Variants in BACH2 observed in about 807,000 individuals in gnomAD.
BACH2 encodes the protein BACH transcriptional regulator 2.
BACH2 carries 5 observed loss-of-function variants against 61.8 expected under a neutral mutation model. The observed-to-expected ratio is 0.08, with a 90% CI of 0.04 to 0.17. The LOEUF (loss-of-function observed/expected upper bound fraction) is 0.17, where lower values mean the gene tolerates loss of function less well. Ranked by LOEUF, BACH2 falls within the 10% of genes least tolerant of loss-of-function variation. The pLI, the probability that BACH2 is intolerant of heterozygous loss-of-function variation, is 1.00. For missense variants in BACH2, 824 were observed against 1,091.1 expected (o/e 0.76, Z 3.45); for synonymous variants, 446 against 440.1 (o/e 1.01, Z -0.17).
intron 6 of BACH2, among the ~76,000 whole-genome samples, chr6:89,990,889 C>T (rs1776509955): frequency 6.6e-6 from 1 of 152,222 alleles, no homozygotes; most frequent in African/African-American, 2.4e-5. Flanking sequence ...CAACAGTGCA[C>T]ACAGTAGATG....
intron 2 of BACH2, among the ~76,000 whole-genome samples, chr6:90,270,980 A>G (rs147865725): frequency 5.7e-4 from 87 of 152,260 alleles, no homozygotes; most frequent in African/African-American, 1.8e-3. Context: ...GTGAGGAAAG[A>G]ATACCCTATT....
intron 1 of BACH2, among the ~76,000 whole-genome samples, chr6:90,295,539 G>C (rs1329328002): frequency 1.3e-5 from 2 of 152,164 alleles, no homozygotes; most frequent in African/African-American, 4.8e-5. Context: ...CCCGCCGGGT[G>C]AGCGAAGCAC....
rs796388094 is a variant in BACH2, at chr6:89,931,849, G to A, written c.*559C>T. 8 of 152,154 alleles carry A rather than the reference G, an allele frequency of 5.3e-5. No individual in the cohort carries two copies. Among genetic ancestry groups the A allele is most frequent in the African/African-American group, 1.9e-4 (8 of 41,384 alleles). 9.4% of individuals were successfully genotyped at this position (152,154 alleles called of 1,614,324 possible). On this transcript the variant is annotated 3_prime_UTR_variant, in exon 9 of 9. Coordinates refer to ENST00000257749, the MANE Select transcript of BACH2 (RefSeq NM_021813.4). ...TTCTAGCATCAGAGACAAAAGAAGA[G>A]GAATGTTGGAACCTGTTTCTAAATG...
chr6:90,264,753 T>C (rs1771270765), intron 2 of BACH2, among the ~76,000 whole-genome samples: 1 of 152,168 alleles, frequency 6.6e-6, no homozygotes, highest in Admixed American at 6.5e-5. Flanking sequence ...CTTTGGGGTT[T>C]CCTCGTCTTT....
intron 7 of BACH2, among the ~76,000 whole-genome samples, chr6:89,944,229 T>C (rs1773601219): frequency 6.6e-6 from 1 of 152,234 alleles, no homozygotes; most frequent in South Asian, 2.1e-4. Context: ...CGATAACGCC[T>C]GCCCTACTTA....
At chr6:90,257,429 G>C (rs1001101806) in intron 2 of BACH2, among the ~76,000 whole-genome samples, 5 of 152,182 alleles carry the variant, frequency 3.3e-5, no homozygotes, top group Non-Finnish European at 7.4e-5. Flanking sequence ...CAGTTGTGAG[G>C]AGGTAAATCA....
intron 3 of BACH2, among the ~76,000 whole-genome samples, chr6:90,226,137 T>C (rs1345621544): frequency 6.6e-6 from 1 of 152,148 alleles, no homozygotes; most frequent in South Asian, 2.1e-4. Flanking sequence ...AAACCAGGCA[T>C]CTGGAGGTGA....
rs1193465135 is a variant in BACH2, at chr6:89,928,122, A to AAAAC, written c.*4282_*4285dup. The stretch of plus-strand genomic sequence containing the variant: ...ATACAACGAACAGCTTTATTCTTAG[A>AAAAC]AAACAAAAACAAAAACAAAAAACAC... On this transcript the variant is annotated 3_prime_UTR_variant, in exon 9 of 9. Coordinates refer to ENST00000257749, the MANE Select transcript of BACH2 (RefSeq NM_021813.4). 1 of 125,326 alleles carries AAAAC rather than the reference A, an allele frequency of 8.0e-6. No homozygotes were observed. Among genetic ancestry groups the AAAAC allele is most frequent in the Non-Finnish European group, 1.9e-5 (1 of 53,746 alleles). 7.8% of individuals were successfully genotyped at this position (125,326 alleles called of 1,614,324 possible).
chr6:90,051,157 T>A (rs917286320), intron 5 of BACH2, among the ~76,000 whole-genome samples: 5 of 152,196 alleles, frequency 3.3e-5, no homozygotes, highest in African/African-American at 1.2e-4. Flanking sequence ...TTTATTTAGG[T>A]CTTGCATAAG....
Position 90,191,401 on chromosome 6 carries a change from T to C in BACH2, c.-162+15168A>G, listed in dbSNP as rs1582468110. On this transcript the variant is annotated intron_variant, in intron 4 of 8. Coordinates refer to ENST00000257749, the MANE Select transcript of BACH2 (RefSeq NM_021813.4). The stretch of plus-strand genomic sequence containing the variant: ...TTAGATGGAACAAATTTTCAACTAC[T>C]GCATTCATCCGCACATTTGCAAATG... Among the ~76,000 whole-genome samples, 4 of 152,372 alleles carry C rather than the reference T, an allele frequency of 2.6e-5. No homozygotes were observed. In the South Asian group the frequency reaches 8.3e-4, roughly 32 times the overall value.
chr6:90,074,315 C>A (rs781542056), intron 5 of BACH2, among the ~76,000 whole-genome samples: 4 of 152,082 alleles, frequency 2.6e-5, no homozygotes, highest in Non-Finnish European at 4.4e-5. Context: ...TTCATTTGAA[C>A]ATGTCTTTAT....
chr6:90,255,306 C>G (rs766304842), intron 2 of BACH2, among the ~76,000 whole-genome samples: 7 of 152,156 alleles, frequency 4.6e-5, no homozygotes, highest in Non-Finnish European at 1.0e-4. Flanking sequence ...TAAAAATGTA[C>G]TGTGTGTAAG....
rs1486208651 is a variant in BACH2 at position 89,950,632 on chromosome 6, C to G, written c.1474G>C (p.Gly492Arg). The change falls in exon 7 of 9, where the codon GGA becomes CGA. Residue 492 changes from glycine (G) to arginine (R), a missense_variant. Coordinates refer to ENST00000257749, the MANE Select transcript of BACH2 (RefSeq NM_021813.4). The surrounding 1 kb of genome is among the most constrained non-coding windows in gnomAD (Gnocchi z 5.3). ...CAGCTGGTGTTGGGCCGCATCCTTC[C>G]TGGCAAGTGGTCGGCCATCAGCCCA... ...HGGLMADHLP[G>R]RMRPNTSCPV... 6.2e-7 allele frequency: 1 copy of G among 1,614,082 alleles called. No individual in the cohort carries two copies. Among genetic ancestry groups the G allele is most frequent in the South Asian group, 1.1e-5 (1 of 91,078 alleles).
intron 7 of BACH2, among the ~76,000 whole-genome samples, chr6:89,946,610 T>C (rs543216810): frequency 1.8e-4 from 27 of 152,152 alleles, no homozygotes; most frequent in Non-Finnish European, 3.7e-4. Context: ...ACGAGAGATA[T>C]TGGAGAAACA....
intron 8 of BACH2, among the ~76,000 whole-genome samples, chr6:89,936,599 G>A (rs1055880539): frequency 1.3e-5 from 2 of 152,150 alleles, no homozygotes; most frequent in Non-Finnish European, 2.9e-5. Context: ...GCTACAGACT[G>A]GAACACAAAT....
intron 4 of BACH2, among the ~76,000 whole-genome samples, chr6:90,163,171 TAGAG>T (rs959152302): frequency 9.2e-5 from 14 of 152,154 alleles, no homozygotes; most frequent in African/African-American, 2.9e-4. Flanking sequence ...CTCGTGGCAG[TAGAG>T]AGTCACATGA....
chr6:90,040,590 T>G (rs1250837638), intron 5 of BACH2, among the ~76,000 whole-genome samples: 1 of 152,110 alleles, frequency 6.6e-6, no homozygotes, highest in Admixed American at 6.5e-5. Context: ...GTATTTTTAC[T>G]GCATTCACAT....
chr6:90,135,445 AG>A (rs1291503186), intron 4 of BACH2, among the ~76,000 whole-genome samples: 3 of 152,218 alleles, frequency 2.0e-5, no homozygotes, highest in Non-Finnish European at 4.4e-5. Context: ...GTAAAGCATT[AG>A]GCTGGGCACA....
At position 90,014,440 on chromosome 6, in the gene BACH2, G is replaced by GTATATA. The variant is rs1201471150; in HGVS notation, c.-12-5590_-12-5585dup. On this transcript the variant is annotated intron_variant, in intron 5 of 8. Coordinates refer to ENST00000257749, the MANE Select transcript of BACH2 (RefSeq NM_021813.4). ...TAAAATTGTGTGTGTGTGTGTGTGT[G>GTATATA]TATATATATATATATATATATATAT... Among the ~76,000 whole-genome samples the GTATATA allele has an allele frequency of 3.7e-3, 180 of 48,004 alleles. 2 individuals carry two copies. The highest frequency in any genetic ancestry group is 0.013 in the East Asian group (23 of 1,794). The allele number at this position is 48,004 out of a possible 152,430, so 31.5% of individuals were successfully genotyped here.
Sources: allele counts gnomAD v4.1 joint callset (sites outside exome capture counted in the v4.1 genomes callset), GRCh38; gene constraint gnomAD v4.1.1; non-coding constraint Gnocchi (gnomAD v3.1); transcripts MANE v1.5; gene names NCBI Gene and HGNC (gene_info 2026-07-23, HGNC 2026-07-21).